Variants in SLC5A12 observed in about 807,000 individuals in gnomAD.
SLC5A12 encodes the protein sodium-coupled monocarboxylate transporter 2.
A neutral mutation model predicts 72.7 loss-of-function variants in SLC5A12; 46 were observed. The observed-to-expected ratio is 0.63, with a 90% CI of 0.50 to 0.81. SLC5A12 has a LOEUF of 0.81. Among genes scored for constraint, SLC5A12 ranks in the 30% least tolerant of loss-of-function variants. The pLI is 0.00. For synonymous variants in SLC5A12, 275 were observed against 264.4 expected (o/e 1.04, Z -0.39); for missense variants, 683 against 740.7 (o/e 0.92, Z 0.90).
At chr11:26,671,359 C>T in intron 14 of SLC5A12, 108 bp from the exon 15 acceptor site, 3 of 827,442 alleles carry the variant, frequency 3.6e-6, no homozygotes, top group Non-Finnish European at 5.5e-6. Flanking sequence ...TATATATGTA[C>T]AAAAGAAGCA....
chr11:26,705,852 AG>A (rs1855071530), intron 4 of SLC5A12, among the ~76,000 whole-genome samples: 1 of 151,800 alleles, frequency 6.6e-6, no homozygotes, highest in Non-Finnish European at 1.5e-5. Context: ...ATTAATCAAA[AG>A]GCAGATTATA....
intron 13 of SLC5A12, 108 bp from the exon 14 acceptor site, chr11:26,673,637 T>A: frequency 7.3e-7 from 1 of 1,376,458 alleles, no homozygotes; most frequent in Non-Finnish European, 9.6e-7. Flanking sequence ...AGAATAAGAG[T>A]GAAAACAAGA....
At chr11:26,714,006 G>A (rs1267751698) in intron 1 of SLC5A12, among the ~76,000 whole-genome samples, 3 of 151,740 alleles carry the variant, frequency 2.0e-5, no homozygotes, top group African/African-American at 7.3e-5. Context: ...AAGGATATAT[G>A]TGATTGATTG....
intron 9 of SLC5A12, among the ~76,000 whole-genome samples, chr11:26,690,749 G>A (rs1160475459): frequency 6.7e-6 from 1 of 149,910 alleles, no homozygotes; most frequent in East Asian, 1.9e-4. Flanking sequence ...GGAGGTTGCA[G>A]TGAGCCAAGA....
chr11:26,704,951 T>C (rs994860561), intron 4 of SLC5A12, among the ~76,000 whole-genome samples: 1 of 151,972 alleles, frequency 6.6e-6, no homozygotes, highest in African/African-American at 2.4e-5. Context: ...TACAGAATGG[T>C]CAAATGGTGA....
At chr11:26,721,260 G>A in intron 1 of SLC5A12, 116 bp downstream of exon 1, 1 of 788,258 alleles carries the variant, frequency 1.3e-6, no homozygotes, top group Non-Finnish European at 2.0e-6. Flanking sequence ...ACATTTTAAT[G>A]TCTTTCTCAT....
intron 9 of SLC5A12, 27 bp downstream of exon 9, chr11:26,692,462 A>C: frequency 6.9e-7 from 1 of 1,449,956 alleles, no homozygotes; most frequent in Non-Finnish European, 9.7e-7. Flanking sequence ...CATGATATGG[A>C]ATAGAAAGTC....
chr11:26,718,633 TG>T (rs1855407595), intron 1 of SLC5A12, among the ~76,000 whole-genome samples: 1 of 20,030 alleles, frequency 5.0e-5, no homozygotes, highest in African/African-American at 1.7e-4. Context: ...TGTGTGTGTG[TG>T]TGTGTGTGTG....
rs1193655011 is a variant in SLC5A12 at position 26,683,744 on chromosome 11, G to A, written c.1308+13C>T. The A allele has an allele frequency of 2.5e-6, 4 of 1,571,084 alleles. No homozygotes were observed. The highest frequency in any genetic ancestry group is 3.5e-6 in the Non-Finnish European group (4 of 1,156,370). On this transcript the variant is annotated intron_variant, in intron 11 of 14. Transcript: ENST00000396005. ...TTGACTGGGAATTGTGAAGAGGGCT[G>A]TGGGATCCTTACCTTCCAATTCACA...
At chr11:26,709,069 T>G (rs991784004) in intron 4 of SLC5A12, 25 of 352,296 alleles carry the variant, frequency 7.1e-5, no homozygotes, top group Non-Finnish European at 1.3e-4. Flanking sequence ...TCATTAGATT[T>G]TTTTCTTATT....
chr11:26,685,822 G>A (rs543105910), intron 10 of SLC5A12, among the ~76,000 whole-genome samples: 3 of 151,946 alleles, frequency 2.0e-5, no homozygotes, highest in East Asian at 1.9e-4. Context: ...TTTTTTTCCC[G>A]TAATCACCTG....
chr11:26,672,119 C>T (rs142334295), intron 14 of SLC5A12, among the ~76,000 whole-genome samples: 140 of 152,208 alleles, frequency 9.2e-4, no homozygotes, highest in African/African-American at 3.2e-3. Context: ...CCTTAAGTCA[C>T]TTAAGCTCAG....
intron 8 of SLC5A12, among the ~76,000 whole-genome samples, chr11:26,696,581 T>C (rs1160560516): frequency 2.0e-5 from 3 of 152,218 alleles, no homozygotes; most frequent in African/African-American, 7.2e-5. Flanking sequence ...AGCCTATTGC[T>C]CCACGGTTAC....
At chr11:26,684,028 A>ATGTGTG (rs145705590) in intron 10 of SLC5A12, among the ~76,000 whole-genome samples, 185 bp from the exon 11 acceptor site, 39 of 148,052 alleles carry the variant, frequency 2.6e-4, no homozygotes, top group East Asian at 2.2e-3. Context: ...GTATTTATGT[A>ATGTGTG]TGTGTGTGTG....
At chr11:26,716,761 T>C (rs868573717) in intron 1 of SLC5A12, among the ~76,000 whole-genome samples, 7 of 152,296 alleles carry the variant, frequency 4.6e-5, no homozygotes, top group African/African-American at 1.4e-4. Flanking sequence ...CATATTTACT[T>C]GCATTCATCC....
intron 8 of SLC5A12, among the ~76,000 whole-genome samples, chr11:26,695,466 G>A (rs1469412333): frequency 1.3e-5 from 2 of 152,076 alleles, no homozygotes. Context: ...AAGTATACTA[G>A]AATGGTGTCT....
chr11:26,687,616 G>A (rs1854568403), intron 9 of SLC5A12, among the ~76,000 whole-genome samples: 2 of 152,152 alleles, frequency 1.3e-5, no homozygotes, highest in Admixed American at 1.3e-4. Flanking sequence ...ACAGTGCCTG[G>A]CACGCAGCAA....
intron 1 of SLC5A12, among the ~76,000 whole-genome samples, chr11:26,713,156 C>A (rs1260096370): frequency 1.3e-5 from 2 of 152,118 alleles, no homozygotes; most frequent in Non-Finnish European, 2.9e-5. Flanking sequence ...CATATCAATT[C>A]TTTGAAAGCA....
At chr11:26,675,817 T>A (rs1478828744) in intron 13 of SLC5A12, among the ~76,000 whole-genome samples, 1 of 152,030 alleles carries the variant, frequency 6.6e-6, no homozygotes. Context: ...GTATAAGACA[T>A]AGGCTTAAGT....
Sources: gnomAD v4.1 joint callset for allele counts (sites outside exome capture counted in the v4.1 genomes callset) on GRCh38, gnomAD v4.1.1 for gene constraint, MANE v1.5 for transcripts, NCBI Gene and HGNC (gene_info 2026-07-23, HGNC 2026-07-21) for gene names.